Variants in IQANK1 observed in about 807,000 individuals in gnomAD.
The protein encoded by IQANK1 is IQ motif and ankyrin repeat containing 1, also known as IQ motif and ankyrin repeat domain-containing protein 1.
IQANK1 carries 30 observed loss-of-function variants against 22.6 expected under a neutral mutation model. The observed-to-expected ratio is 1.33, with a 90% confidence interval of 0.99 to 1.80. IQANK1 has a LOEUF of 1.80. Among genes scored for constraint, IQANK1 ranks in the 40% most tolerant of loss-of-function variants. IQANK1 has a pLI of 0.00. For missense variants in IQANK1, 275 were observed against 235.2 expected (o/e 1.17, Z -1.11); for synonymous variants, 122 against 99.6 (o/e 1.23, Z -1.34).
intron 3 of IQANK1, chr8:143,759,684 C>G (rs1237038099): frequency 1.3e-5 from 2 of 152,266 alleles, no homozygotes; most frequent in African/African-American, 4.8e-5. Flanking sequence ...CCTTGCGCCT[C>G]GCCCAGCTAG....
At chr8:143,747,983 C>T (rs1554627410) in intron 3 of IQANK1, among the ~76,000 whole-genome samples, 1 of 135,212 alleles carries the variant, frequency 7.4e-6, no homozygotes, top group Admixed American at 7.7e-5. Flanking sequence ...CCTTTCCTTT[C>T]CCTTTCCTTT....
At chr8:143,773,823 C>T (rs968961459) in intron 7 of IQANK1, among the ~76,000 whole-genome samples, 1 of 152,226 alleles carries the variant, frequency 6.6e-6, no homozygotes, top group African/African-American at 2.4e-5. Context: ...GCTGAGGATA[C>T]GGTGAGGCGT....
At position 143,774,946 on chromosome 8, in the gene IQANK1, G is replaced by A. The variant is rs1023544171; in HGVS notation, c.789+2464G>A. Among the ~76,000 whole-genome samples the A allele has an allele frequency of 3.9e-5, 6 of 152,164 alleles. No individual in the cohort carries two copies. Among genetic ancestry groups the A allele is most frequent in the Non-Finnish European group, 5.9e-5 (4 of 68,032 alleles). ...ACACTGTGGAGACGGAGGACAGATC[G>A]GAGGGCTGCAGGGGTTACGGATGGG... On this transcript the variant is annotated intron_variant, in intron 7 of 13. Transcript: ENST00000527139. This position sits in a 1 kb window ranked among gnomAD's most constrained non-coding sequence, Gnocchi z 4.2.
intron 3 of IQANK1, among the ~76,000 whole-genome samples, chr8:143,751,678 A>ATATATATATATATATATATAT (rs1554628061): frequency 2.9e-4 from 40 of 139,082 alleles, no homozygotes; most frequent in East Asian, 1.6e-3. Context: ...ATATATATAT[A>ATATATATATATATATATATAT]AAATCCTATA....
At chr8:143,750,928 G>A (rs1554627951) in intron 3 of IQANK1, among the ~76,000 whole-genome samples, 1 of 148,570 alleles carries the variant, frequency 6.7e-6, no homozygotes, top group African/African-American at 2.4e-5. Flanking sequence ...CTCATTTCCT[G>A]AATTACTGTC....
chr8:143,754,294 T>C (rs955848014), intron 3 of IQANK1, among the ~76,000 whole-genome samples: 1 of 152,162 alleles, frequency 6.6e-6, no homozygotes, highest in East Asian at 1.9e-4. Context: ...TTCGTGACTA[T>C]GTTATCATTC....
chr8:143,763,015 CCTTTTCTTTTT>C (rs1187854905), intron 3 of IQANK1, among the ~76,000 whole-genome samples: 1 of 146,606 alleles, frequency 6.8e-6, no homozygotes, highest in Non-Finnish European at 1.5e-5. Context: ...CCTTTCTTTT[CCTTTTCTTTTT>C]CTTTTCTTAA....
At chr8:143,748,555 G>GAT (rs559521293) in intron 3 of IQANK1, among the ~76,000 whole-genome samples, 52 of 125,364 alleles carry the variant, frequency 4.1e-4, no homozygotes, top group African/African-American at 1.4e-3. Context: ...TATAAATATA[G>GAT]ATATATATAT....
intron 3 of IQANK1, chr8:143,759,242 C>G (rs1315004845): frequency 5.6e-6 from 1 of 178,478 alleles, no homozygotes; most frequent in African/African-American, 2.4e-5. Flanking sequence ...AGCCCTGCAC[C>G]AGCAAATCCC....
At chr8:143,751,929 AGT>A (rs1222182460) in intron 3 of IQANK1, among the ~76,000 whole-genome samples, 1 of 2,992 alleles carries the variant, frequency 3.3e-4, no homozygotes, top group African/African-American at 4.8e-4. Flanking sequence ...CTTTTTTGCC[AGT>A]TTTTTTTTTC....
intron 7 of IQANK1, among the ~76,000 whole-genome samples, chr8:143,787,399 G>A (rs1048977008): frequency 1.4e-4 from 22 of 151,864 alleles, no homozygotes; most frequent in Non-Finnish European, 2.5e-4. Context: ...GCCCCCCACA[G>A]ACCTGCAGGC....
At chr8:143,749,407 TC>T (rs1819136633) in intron 3 of IQANK1, among the ~76,000 whole-genome samples, 1 of 127,916 alleles carries the variant, frequency 7.8e-6, no homozygotes, top group Admixed American at 8.2e-5. Context: ...ATATATCATA[TC>T]ATATATAATA....
intron 3 of IQANK1, among the ~76,000 whole-genome samples, chr8:143,751,678 A>ATATATATATATATATATATATATAT (rs1554628061): frequency 6.5e-5 from 9 of 139,122 alleles, no homozygotes; most frequent in African/African-American, 7.8e-5. Flanking sequence ...ATATATATAT[A>ATATATATATATATATATATATATAT]AAATCCTATA....
intron 3 of IQANK1, among the ~76,000 whole-genome samples, chr8:143,761,874 A>T (rs1168414136): frequency 1.0e-5 from 1 of 95,572 alleles, no homozygotes; most frequent in Non-Finnish European, 3.1e-5. Context: ...TTAGGATAGA[A>T]ATATATCCTA....
intron 3 of IQANK1, among the ~76,000 whole-genome samples, chr8:143,754,771 G>C (rs782262291): frequency 1.3e-5 from 2 of 152,018 alleles, no homozygotes; most frequent in Non-Finnish European, 2.9e-5. Flanking sequence ...GACTACAGGT[G>C]CCAACCACCA....
intron 7 of IQANK1, 46 bp downstream of exon 7, chr8:143,772,528 A>G (rs1339870464): frequency 5.0e-6 from 2 of 397,932 alleles, no homozygotes; most frequent in Non-Finnish European, 8.8e-6. Context: ...GAGCCCCGGG[A>G]GGTGTGGGCC....
At chr8:143,756,649 C>T (rs1819297680) in intron 3 of IQANK1, among the ~76,000 whole-genome samples, 1 of 151,870 alleles carries the variant, frequency 6.6e-6, no homozygotes, top group Non-Finnish European at 1.5e-5. Context: ...TCAGTGCTTG[C>T]CAGGGCCCCA....
chr8:143,790,250 TGGCTCTGCTGGG>T lies in IQANK1; in HGVS notation c.1412_1423del (p.Leu471_Leu474del). On this transcript the variant is annotated inframe_deletion, in exon 13 of 14. Transcript: ENST00000527139. ...CCCCTGAGGCCGGAGACGATGTGGC[TGGCTCTGCTGGG>T]GGCTCTGCGGTGAGGCAGGCAGGGT... is the stretch of plus-strand genomic sequence containing the variant. 8.1e-7 allele frequency: 1 copy of T among 1,232,162 alleles called. No individual in the cohort carries two copies. Among genetic ancestry groups the T allele is most frequent in the South Asian group, 4.1e-5 (1 of 24,324 alleles). The allele number at this position is 1,232,162 out of a possible 1,614,324, so 76.3% of individuals were successfully genotyped here.
chr8:143,767,382 C>G (rs1223449858), intron 3 of IQANK1, among the ~76,000 whole-genome samples: 2 of 152,104 alleles, frequency 1.3e-5, no homozygotes, highest in African/African-American at 4.8e-5. Flanking sequence ...GTATAGAGAT[C>G]TTGTGTGTAT....
Sources: gnomAD v4.1 joint callset for allele counts (sites outside exome capture counted in the v4.1 genomes callset) on GRCh38, gnomAD v4.1.1 for gene constraint, Gnocchi (gnomAD v3.1) non-coding constraint, MANE v1.5 for transcripts, NCBI Gene and HGNC (gene_info 2026-07-23, HGNC 2026-07-21) for gene names.